FCER2: variants seen among roughly 807,000 people sequenced by gnomAD.
FCER2 encodes low affinity immunoglobulin epsilon Fc receptor.
A neutral mutation model predicts 49.7 loss-of-function variants in FCER2; 38 were observed. The observed-to-expected ratio is 0.76, with a 90% confidence interval of 0.59 to 1.00. The LOEUF (loss-of-function observed/expected upper bound fraction) is 1.00, where lower values mean the gene tolerates loss of function less well. FCER2 is among the 50% of genes least tolerant of loss of function. FCER2 has a pLI of 0.00. For missense variants in FCER2, 425 were observed against 419.5 expected (o/e 1.01, Z -0.11); for synonymous variants, 163 against 164.6 (o/e 0.99, Z 0.07).
At chr19:7,694,369 C>T (rs2032962254) in intron 8 of FCER2, among the ~76,000 whole-genome samples, 1 of 152,012 alleles carries the variant, frequency 6.6e-6, no homozygotes, top group Non-Finnish European at 1.5e-5. Flanking sequence ...TGTCTCTGAA[C>T]AACAAAAACA....
intron 10 of FCER2, 40 bp from the exon 11 acceptor site, chr19:7,689,470 G>A: frequency 1.5e-6 from 2 of 1,342,634 alleles, no homozygotes; most frequent in Non-Finnish European, 2.1e-6. Context: ...GGGGCGGGGA[G>A]AAGGAGCCCA....
intron 10 of FCER2, among the ~76,000 whole-genome samples, chr19:7,689,846 T>C (rs2032810379): frequency 6.6e-6 from 1 of 151,996 alleles, no homozygotes; most frequent in Non-Finnish European, 1.5e-5. Context: ...CTTAAACTCC[T>C]GGCAGGTGAT....
intron 8 of FCER2, chr19:7,696,606 A>C: frequency 3.6e-6 from 2 of 560,372 alleles, no homozygotes; most frequent in South Asian, 2.2e-5. Flanking sequence ...CCCCATCAGA[A>C]ACTTAGTCCT....
chr19:7,697,187 C>T (rs1294599649), intron 6 of FCER2, 49 bp downstream of exon 6: 5 of 1,609,244 alleles, frequency 3.1e-6, no homozygotes, highest in Non-Finnish European at 4.3e-6. Context: ...TGAGACACTC[C>T]CTCCTTCCCA....
rs773782883 is a variant in FCER2, at chr19:7,696,951, A to G, written c.380-37T>C. ...AACAAGGGGCGGTGCTCAGAGACCA[A>G]CTGGCAGGCCCCCTCCTTGTCCGTT... On this transcript the variant is annotated intron_variant, in intron 7 of 10. Coordinates refer to ENST00000597921, the MANE Select transcript of FCER2 (RefSeq NM_001220500.2). The G allele has an allele frequency of 5.1e-6, 8 of 1,561,720 alleles. No individual in the cohort carries two copies. In the South Asian group the frequency reaches 8.2e-5, roughly 16 times the overall value.
At chr19:7,697,666 A>C (rs2033054185) in intron 4 of FCER2, 77 bp from the exon 5 acceptor site, 1 of 1,178,778 alleles carries the variant, frequency 8.5e-7, no homozygotes, top group Non-Finnish European at 1.3e-6. Flanking sequence ...CCCCAGGCTC[A>C]GGGACCCTCT....
intron 10 of FCER2, among the ~76,000 whole-genome samples, chr19:7,689,678 T>C (rs1011393257): frequency 6.6e-6 from 1 of 152,064 alleles, no homozygotes; most frequent in African/African-American, 2.4e-5. Flanking sequence ...TGGAGTGCAG[T>C]GCGCGATCTC....
rs541132944 is a variant in FCER2, at chr19:7,700,609, G to A, written c.-85-764C>T. On this transcript the variant is annotated intron_variant, in intron 1 of 10. Transcript: ENST00000597921. ...GGCTCACTGCCACCTCCACCTCCTG[G>A]GTTCAAGCGATTCTCCCGCCTCAGC... Among the ~76,000 whole-genome samples the A allele has an allele frequency of 2.3e-3, 348 of 152,096 alleles. 1 individual carries two copies. The highest frequency in any genetic ancestry group is 3.9e-3 in the Admixed American group (60 of 15,260).
At chr19:7,690,135 G>C (rs2032818874) in intron 10 of FCER2, 24 bp downstream of exon 10, 4 of 1,442,200 alleles carry the variant, frequency 2.8e-6, no homozygotes, top group Non-Finnish European at 3.9e-6. Flanking sequence ...CTCCTCCCCT[G>C]GATCCCAGAG....
In FCER2 at chr19:7,698,410, C is replaced by CTGGGGAGGGGGAGAGAAGAGGAG. The variant is rs2033074109; in HGVS notation, c.137-24_137-2dup. 6.2e-7 allele frequency: 1 copy of CTGGGGAGGGGGAGAGAAGAGGAG among 1,611,472 alleles called. No homozygotes were observed. The highest frequency in any genetic ancestry group is 1.7e-5 in the Admixed American group (1 of 59,820). On this transcript the variant is annotated splice_acceptor_variant, in intron 3 of 10. Coordinates refer to ENST00000597921, the MANE Select transcript of FCER2 (RefSeq NM_001220500.2). LOFTEE classifies it high-confidence loss of function. ...TTTAGACTCTGTGTGGTGTCCCAGT[C>CTGGGGAGGGGGAGAGAAGAGGAG]TGGGGAGGGGGAGAGAAGAGGAGTG...
Position 7,690,257 on chromosome 19 carries a change from C to A in FCER2, c.630G>T (p.Leu210=). The stretch of plus-strand genomic sequence containing the variant: ...AGCCGGTGTGGCTGGCATGCTTGGT[C>A]AGGAAGTCCTGGGGGACAGGACAGG... ...SIHSPEEQDF[L]TKHASHTGSW... is the part of the protein sequence containing the mutation. The change falls in exon 10 of 11, where the codon CTG becomes CTT. Residue 210 remains leucine, a synonymous_variant. Transcript: ENST00000597921. The A allele has an allele frequency of 1.2e-6, 2 of 1,613,806 alleles. No homozygotes were observed. Among genetic ancestry groups the A allele is most frequent in the South Asian group, 1.1e-5 (1 of 91,054 alleles).
intron 8 of FCER2, among the ~76,000 whole-genome samples, chr19:7,691,328 C>T (rs2032864987): frequency 6.6e-6 from 1 of 152,152 alleles, no homozygotes; most frequent in Non-Finnish European, 1.5e-5. Context: ...CTTCAGTCAC[C>T]AAAGCCATGA....
chr19:7,697,618 C>T (rs749009307), intron 4 of FCER2, 29 bp from the exon 5 acceptor site: 2 of 1,607,400 alleles, frequency 1.2e-6, no homozygotes, highest in Non-Finnish European at 1.7e-6. Flanking sequence ...AGAGATATCC[C>T]AGGAACCTCA....
At position 7,697,157 on chromosome 19, in the gene FCER2, C is replaced by G; in HGVS notation, c.316+79G>C. 3 of 1,606,832 alleles carry G rather than the reference C, an allele frequency of 1.9e-6. No homozygotes were observed. In the South Asian group the frequency reaches 3.3e-5, roughly 18 times the overall value. On this transcript the variant is annotated intron_variant, in intron 6 of 10. Transcript: ENST00000597921. ...TGCCCCCCAAGCCTGGCCCCCCAGC[C>G]TCGTGGTTCCCCAGGGCTCTGAGAC...
At chr19:7,700,182 G>A (rs2033123237) in intron 1 of FCER2, 2 of 170,388 alleles carry the variant, frequency 1.2e-5, no homozygotes, top group South Asian at 3.1e-4. Flanking sequence ...GGTGATCTGT[G>A]CTAAAAATAT....
intron 3 of FCER2, 127 bp downstream of exon 3, chr19:7,698,614 C>A (rs937189986): frequency 4.6e-6 from 6 of 1,308,260 alleles, no homozygotes; most frequent in Admixed American, 2.0e-5. Context: ...AGATGGGAGG[C>A]AGGATGGGAA....
chr19:7,700,400 A>C (rs575941423), intron 1 of FCER2, among the ~76,000 whole-genome samples: 1 of 152,304 alleles, frequency 6.6e-6, no homozygotes, highest in African/African-American at 2.4e-5. Flanking sequence ...CATTTATGAA[A>C]CATCTACTCT....
intron 8 of FCER2, among the ~76,000 whole-genome samples, chr19:7,693,994 C>A (rs35157374): frequency 2.7e-5 from 4 of 146,120 alleles, no homozygotes; most frequent in African/African-American, 1.0e-4. Context: ...GTCTCATCAT[C>A]TTGCCCAGGC....
intron 10 of FCER2, 26 bp from the exon 11 acceptor site, chr19:7,689,456 G>T (rs1278337675): frequency 6.8e-7 from 1 of 1,468,426 alleles, no homozygotes; most frequent in Admixed American, 1.9e-5. Flanking sequence ...TTGGGTCAGG[G>T]GATGGGGCGG....
Sources: gnomAD v4.1 joint callset for allele counts (sites outside exome capture counted in the v4.1 genomes callset) on GRCh38, gnomAD v4.1.1 for gene constraint, MANE v1.5 for transcripts, NCBI Gene and HGNC (gene_info 2026-07-23, HGNC 2026-07-21) for gene names.